The following CYRIA variants were observed in gnomAD, a reference collection of about 807,000 sequenced individuals.
The protein encoded by CYRIA is CYFIP-related Rac1 interactor A.
CYRIA carries 15 observed loss-of-function variants against 43.9 expected under a neutral mutation model. That is an observed-to-expected ratio of 0.34 (90% CI 0.23 to 0.53). CYRIA has a LOEUF of 0.53. Among genes scored for constraint, CYRIA ranks in the 20% least tolerant of loss-of-function variants. The probability of loss-of-function intolerance (pLI) is 0.94; values close to 1 mark genes in which losing one functional copy is unlikely to be tolerated. For synonymous variants in CYRIA, 117 were observed against 136.0 expected, an observed-to-expected ratio of 0.86 and a Z score of 0.97; for missense variants, 236 against 394.2, an observed-to-expected ratio of 0.60 and a Z score of 3.40.
At chr2:16,654,158 C>T (rs1461481552) in intron 1 of CYRIA, among the ~76,000 whole-genome samples, 3 of 152,184 alleles carry the variant, frequency 2.0e-5, no homozygotes, top group Non-Finnish European at 4.4e-5. Flanking sequence ...CCCAAGCGCT[C>T]TATAAAACTG....
At chr2:16,577,471 G>T (rs1207710317) in intron 3 of CYRIA, among the ~76,000 whole-genome samples, 1 of 152,052 alleles carries the variant, frequency 6.6e-6, no homozygotes, top group African/African-American at 2.4e-5. Context: ...TGTTATTTTT[G>T]ACTATAAGAA....
At chr2:16,621,228 A>C (rs1668983687) in intron 2 of CYRIA, among the ~76,000 whole-genome samples, 1 of 152,218 alleles carries the variant, frequency 6.6e-6, no homozygotes, top group Non-Finnish European at 1.5e-5. Flanking sequence ...CTATCATGTA[A>C]GTAAATTCCA....
intron 9 of CYRIA, 199 bp downstream of exon 9, chr2:16,560,791 C>T (rs771080179): frequency 6.3e-5 from 37 of 591,554 alleles, no homozygotes; most frequent in Non-Finnish European, 1.0e-4. Context: ...CAGTCAACCA[C>T]TTTGGGCCTC....
At chr2:16,572,229 G>C (rs996558647) in intron 3 of CYRIA, among the ~76,000 whole-genome samples, 1 of 152,114 alleles carries the variant, frequency 6.6e-6, no homozygotes, top group African/African-American at 2.4e-5. Flanking sequence ...TTAAAAGAGA[G>C]GGAAGCTAAG....
At chr2:16,646,099 T>C (rs1043791594) in intron 1 of CYRIA, among the ~76,000 whole-genome samples, 1 of 152,220 alleles carries the variant, frequency 6.6e-6, no homozygotes, top group African/African-American at 2.4e-5. Flanking sequence ...GCTCTAGCTC[T>C]AGTCTTTCCC....
At chr2:16,574,008 A>G (rs1667234645) in intron 3 of CYRIA, among the ~76,000 whole-genome samples, 1 of 152,246 alleles carries the variant, frequency 6.6e-6, no homozygotes. Flanking sequence ...GACTCAGAAG[A>G]CAGGAAAATG....
chr2:16,568,295 G>T (rs1215689852), intron 3 of CYRIA, among the ~76,000 whole-genome samples: 2 of 151,270 alleles, frequency 1.3e-5, no homozygotes, highest in African/African-American at 4.9e-5. Context: ...TGGATAAGGG[G>T]TATTCAACCT....
intron 2 of CYRIA, among the ~76,000 whole-genome samples, chr2:16,605,301 A>T (rs1558422647): frequency 6.6e-6 from 1 of 152,238 alleles, no homozygotes; most frequent in Non-Finnish European, 1.5e-5. Flanking sequence ...TGAGGGCAAA[A>T]TTAGATTCTT....
At chr2:16,574,838 G>T (rs1207579229) in intron 3 of CYRIA, among the ~76,000 whole-genome samples, 1 of 152,220 alleles carries the variant, frequency 6.6e-6, no homozygotes, top group East Asian at 1.9e-4. Flanking sequence ...ACCTCTGCTA[G>T]GGCAGTGCAG....
At chr2:16,633,572 T>TC (rs1203479102) in intron 1 of CYRIA, among the ~76,000 whole-genome samples, 1 of 57,164 alleles carries the variant, frequency 1.7e-5, no homozygotes, top group Non-Finnish European at 2.8e-5. Flanking sequence ...TTTTTTTTTT[T>TC]CTGTAGAGAA....
At chr2:16,626,833 C>T (rs1241638193) in intron 1 of CYRIA, among the ~76,000 whole-genome samples, 1 of 152,206 alleles carries the variant, frequency 6.6e-6, no homozygotes, top group Non-Finnish European at 1.5e-5. Flanking sequence ...ATGCCCTGTG[C>T]CTGGCCTGGT....
At chr2:16,573,349 G>A (rs144088644) in intron 3 of CYRIA, among the ~76,000 whole-genome samples, 18 of 152,314 alleles carry the variant, frequency 1.2e-4, no homozygotes, top group African/African-American at 3.4e-4. Context: ...ACCACCGGAC[G>A]ACTGATTCTT....
chr2:16,637,727 C>T (rs550035756), intron 1 of CYRIA, among the ~76,000 whole-genome samples: 104 of 152,274 alleles, frequency 6.8e-4, no homozygotes, highest in Non-Finnish European at 1.1e-3. Context: ...ATGGCAAATA[C>T]TTATGCATAT....
chr2:16,617,435 C>A (rs1668841806), intron 2 of CYRIA, among the ~76,000 whole-genome samples: 1 of 152,268 alleles, frequency 6.6e-6, no homozygotes, highest in South Asian at 2.1e-4. Flanking sequence ...TAGGCCAAAA[C>A]CCCCTGCCAA....
chr2:16,563,311 T>C (rs998229671), intron 5 of CYRIA, among the ~76,000 whole-genome samples: 8 of 152,180 alleles, frequency 5.3e-5, no homozygotes, highest in Non-Finnish European at 1.2e-4. Context: ...TCTAGTCCTC[T>C]TAACATCACG....
At position 16,636,273 on chromosome 2, in the gene CYRIA, C is replaced by G. The variant is rs542212320; in HGVS notation, c.-166-12254G>C. Among the ~76,000 whole-genome samples, 25 of 152,262 alleles carry G rather than the reference C, an allele frequency of 1.6e-4. No individual in the cohort carries two copies. The South Asian group carries it at 4.1e-3, about 25-fold the overall frequency. On this transcript the variant is annotated intron_variant, in intron 1 of 11. Transcript: ENST00000381323. ...TGAAGATCTGAATCTGACCATAAAC[C>G]ATCCGACTCACAAAGCCCTTTAATT...
At chr2:16,624,511 GA>G (rs917851477) in intron 1 of CYRIA, among the ~76,000 whole-genome samples, 5 of 152,270 alleles carry the variant, frequency 3.3e-5, no homozygotes, top group Admixed American at 2.6e-4. Flanking sequence ...TTTCTCATTA[GA>G]AAAATATTGT....
chr2:16,577,013 A>G (rs1427886391), intron 3 of CYRIA, among the ~76,000 whole-genome samples: 1 of 152,174 alleles, frequency 6.6e-6, no homozygotes, highest in Non-Finnish European at 1.5e-5. Flanking sequence ...GGGCATGGGG[A>G]AGGGAAAATG....
intron 1 of CYRIA, among the ~76,000 whole-genome samples, chr2:16,644,816 TAAG>T (rs1398599917): frequency 6.6e-6 from 1 of 151,672 alleles, no homozygotes; most frequent in Non-Finnish European, 1.5e-5. Context: ...CTAAGGGAAA[TAAG>T]AAGAAAATAG....
Sources: allele counts gnomAD v4.1 joint callset (sites outside exome capture counted in the v4.1 genomes callset), GRCh38; gene constraint gnomAD v4.1.1; transcripts MANE v1.5; gene names NCBI Gene and HGNC (gene_info 2026-07-23, HGNC 2026-07-21).